OTOA: variants seen among roughly 807,000 people sequenced by gnomAD.
OTOA encodes the protein otoancorin.
OTOA carries 70 observed loss-of-function variants against 110.8 expected under a neutral mutation model. That is an observed-to-expected ratio of 0.63 (90% CI 0.52 to 0.77). The LOEUF (loss-of-function observed/expected upper bound fraction) is 0.77. Ranked by LOEUF, OTOA falls within the 30% of genes least tolerant of loss-of-function variation. OTOA has a pLI of 0.00. For synonymous variants in OTOA, 373 were observed against 431.5 expected (o/e 0.86, Z 1.68); for missense variants, 917 against 1,075.8 (o/e 0.85, Z 2.06).
At chr16:21,718,866 C>T (rs1898636155) in intron 15 of OTOA, among the ~76,000 whole-genome samples, 1 of 152,152 alleles carries the variant, frequency 6.6e-6, no homozygotes, top group Non-Finnish European at 1.5e-5. Flanking sequence ...AGCCCTGCCA[C>T]CAATGTCTTT....
At chr16:21,690,774 T>A (rs971431011) in intron 8 of OTOA, among the ~76,000 whole-genome samples, 8 of 152,144 alleles carry the variant, frequency 5.3e-5, no homozygotes, top group Non-Finnish European at 1.2e-4. Context: ...CTACACTGTC[T>A]TCCACAATGG....
At chr16:21,708,676 A>G (rs1235738046) in intron 12 of OTOA, among the ~76,000 whole-genome samples, 1 of 152,118 alleles carries the variant, frequency 6.6e-6, no homozygotes, top group Non-Finnish European at 1.5e-5. Flanking sequence ...GCGCTTTGAC[A>G]GTTGTTTCTT....
At chr16:21,720,837 C>G (rs1436636551) in intron 17 of OTOA, among the ~76,000 whole-genome samples, 1 of 151,918 alleles carries the variant, frequency 6.6e-6, no homozygotes, top group East Asian at 1.9e-4. Context: ...GCTCTCAGAG[C>G]CTTCAAATAC....
chr16:21,743,756 A>AT (rs1899565308), intron 23 of OTOA, among the ~76,000 whole-genome samples: 1 of 123,962 alleles, frequency 8.1e-6, no homozygotes, highest in African/African-American at 2.8e-5. Context: ...CATACATTTA[A>AT]TTTTTCTTTT....
chr16:21,723,862 T>C (rs1055612054), intron 18 of OTOA, among the ~76,000 whole-genome samples: 1 of 152,196 alleles, frequency 6.6e-6, no homozygotes, highest in African/African-American at 2.4e-5. Flanking sequence ...AGAAAAATGT[T>C]CTCTTCCCAT....
chr16:21,735,088 T>G (rs1597855400), intron 21 of OTOA, among the ~76,000 whole-genome samples: 1 of 135,372 alleles, frequency 7.4e-6, no homozygotes, highest in Non-Finnish European at 1.5e-5. Flanking sequence ...TTGCAGTGAG[T>G]GGAGATCACA....
intron 9 of OTOA, among the ~76,000 whole-genome samples, chr16:21,694,418 G>A (rs1897892210): frequency 6.6e-6 from 1 of 152,126 alleles, no homozygotes; most frequent in Non-Finnish European, 1.5e-5. Flanking sequence ...ACTCCAGCCT[G>A]GGTGACAGAG....
chr16:21,664,493 T>C (rs1235600163), intron 1 of OTOA, among the ~76,000 whole-genome samples: 1 of 152,068 alleles, frequency 6.6e-6, no homozygotes, highest in Non-Finnish European at 1.5e-5. Flanking sequence ...ATAACAGCGA[T>C]GACAACTGTT....
chr16:21,684,754 TTATTATTATTA>T (rs1466551395), intron 6 of OTOA, among the ~76,000 whole-genome samples: 1 of 75,944 alleles, frequency 1.3e-5, no homozygotes, highest in African/African-American at 3.6e-5. Context: ...ATTATTATTA[TTATTATTATTA>T]TTTTTTAGGT....
chr16:21,681,849 A>C (rs1015163700), intron 6 of OTOA, 24 bp downstream of exon 6: 1 of 1,597,408 alleles, frequency 6.3e-7, no homozygotes, highest in African/African-American at 1.3e-5. Context: ...ACCCATCTAT[A>C]TGTTCCCATC....
At chr16:21,754,872 CA>C (rs1451869266) in intron 27 of OTOA, among the ~76,000 whole-genome samples, 1 of 27,984 alleles carries the variant, frequency 3.6e-5, no homozygotes, top group Non-Finnish European at 8.3e-5. Flanking sequence ...ATGGGACAAG[CA>C]GCTTGGTCTT....
rs1279672681 is a variant in OTOA, at chr16:21,736,299, C to G, written c.2340C>G (p.Ala780=). The G allele has an allele frequency of 6.8e-6, 11 of 1,613,946 alleles. No homozygotes were observed. Among genetic ancestry groups the G allele is most frequent in the Non-Finnish European group, 9.3e-6 (11 of 1,179,938 alleles). ...EILLQAASKM[A]RTLPTKEFLW... is the part of the protein sequence containing the mutation. Reference sequence around the variant, plus strand: ...TTCTGCAAGCAGCTTCCAAGATGGCCAGGACCCTGCCCACTAAAGAATTCC... The same window carrying G: ...TTCTGCAAGCAGCTTCCAAGATGGCGAGGACCCTGCCCACTAAAGAATTCC... Residue 780 remains alanine, a synonymous_variant, in exon 22 of 29, where the codon GCC becomes GCG. Coordinates refer to ENST00000646100, the MANE Select transcript of OTOA (RefSeq NM_144672.4).
intron 1 of OTOA, among the ~76,000 whole-genome samples, chr16:21,665,855 G>A (rs1324756594): frequency 6.6e-6 from 1 of 151,692 alleles, no homozygotes; most frequent in East Asian, 1.9e-4. Flanking sequence ...TCCAGCCAGG[G>A]TTTTGCTCTG....
At chr16:21,708,647 C>G (rs1898265950) in intron 12 of OTOA, among the ~76,000 whole-genome samples, 1 of 152,134 alleles carries the variant, frequency 6.6e-6, no homozygotes, top group Admixed American at 6.5e-5. Context: ...AAGGCAGTTG[C>G]CGAACTTAGA....
At chr16:21,666,357 T>A (rs1365024449) in intron 1 of OTOA, among the ~76,000 whole-genome samples, 1 of 150,514 alleles carries the variant, frequency 6.6e-6, no homozygotes, top group Admixed American at 6.7e-5. Context: ...TGAAACTCCA[T>A]GTAATTGTGA....
At chr16:21,666,175 T>C (rs1401699237) in intron 1 of OTOA, among the ~76,000 whole-genome samples, 1 of 151,922 alleles carries the variant, frequency 6.6e-6, no homozygotes, top group African/African-American at 2.4e-5. Flanking sequence ...ACCAAGCATT[T>C]GTAATCAGGC....
Position 21,664,984 on chromosome 16 carries a change from A to G in OTOA, c.-5+752A>G. 1.3e-5 allele frequency among the ~76,000 whole-genome samples: 2 copies of G among 148,622 alleles called. 1 individual carries two copies. The highest frequency in any genetic ancestry group is 3.0e-5 in the Non-Finnish European group (2 of 67,512). On this transcript the variant is annotated intron_variant, in intron 1 of 28. Coordinates refer to ENST00000646100, the MANE Select transcript of OTOA (RefSeq NM_144672.4). ...GAGACTCTGTCTCATGAATGAATAA[A>G]TAAATAAATAAATAAATAAATAAAT...
intron 15 of OTOA, among the ~76,000 whole-genome samples, chr16:21,718,400 A>C (rs962816015): frequency 1.4e-4 from 21 of 152,112 alleles, no homozygotes; most frequent in African/African-American, 5.1e-4. Flanking sequence ...AGCCCAGGAA[A>C]ATCTCTGGGG....
chr16:21,702,481 G>C (rs902480253), intron 11 of OTOA, among the ~76,000 whole-genome samples: 2 of 152,078 alleles, frequency 1.3e-5, no homozygotes, highest in East Asian at 1.9e-4. Context: ...ATGGGACCTC[G>C]AGCCAGACTT....
Sources: gnomAD v4.1 joint callset for allele counts (sites outside exome capture counted in the v4.1 genomes callset) on GRCh38, gnomAD v4.1.1 for gene constraint, MANE v1.5 for transcripts, NCBI Gene and HGNC (gene_info 2026-07-23, HGNC 2026-07-21) for gene names.